The following P4HA1 variants were observed in gnomAD, a reference collection of about 807,000 sequenced individuals.
P4HA1 encodes prolyl 4-hydroxylase subunit alpha-1.
Under a neutral mutation model 72.8 loss-of-function variants are expected in P4HA1, and 24 were observed. That is an observed-to-expected ratio of 0.33 (90% CI 0.24 to 0.46). The LOEUF is 0.46. Among genes scored for constraint, P4HA1 ranks in the 20% least tolerant of loss-of-function variants. The probability of loss-of-function intolerance (pLI) is 1.00; values close to 1 mark genes in which losing one functional copy is unlikely to be tolerated. For missense variants in P4HA1, 446 were observed against 640.6 expected (o/e 0.70, Z 3.28); for synonymous variants, 201 against 218.8 (o/e 0.92, Z 0.72).
At chr10:73,010,156 C>T (rs773158624) in intron 13 of P4HA1, among the ~76,000 whole-genome samples, 21 of 151,894 alleles carry the variant, frequency 1.4e-4, no homozygotes, top group African/African-American at 4.1e-4. Flanking sequence ...TTAGTAGAGA[C>T]GGGCTTTCAC....
chr10:73,017,122 T>C (rs112639144), intron 10 of P4HA1, among the ~76,000 whole-genome samples: 1 of 150,730 alleles, frequency 6.6e-6, no homozygotes, highest in East Asian at 1.9e-4. Flanking sequence ...GATGTATATA[T>C]AGATATCTAT....
intron 1 of P4HA1, among the ~76,000 whole-genome samples, chr10:73,089,293 T>C (rs1159478226): frequency 6.6e-6 from 1 of 152,210 alleles, no homozygotes; most frequent in African/African-American, 2.4e-5. Flanking sequence ...ATATTGACCT[T>C]CTAAGCTACA....
chr10:73,094,331 T>C (rs1842115873), intron 1 of P4HA1, among the ~76,000 whole-genome samples: 3 of 152,148 alleles, frequency 2.0e-5, no homozygotes, highest in Admixed American at 1.3e-4. Flanking sequence ...TAGATACCCT[T>C]AGAGAGTAAC....
chr10:73,084,543 G>A (rs185191666), intron 1 of P4HA1, among the ~76,000 whole-genome samples: 1 of 152,104 alleles, frequency 6.6e-6, no homozygotes, highest in Non-Finnish European at 1.5e-5. Flanking sequence ...CTCCAGGCTA[G>A]TCTCAAGCAG....
intron 5 of P4HA1, among the ~76,000 whole-genome samples, chr10:73,061,457 G>A (rs769877391): frequency 6.6e-6 from 1 of 151,790 alleles, no homozygotes; most frequent in Non-Finnish European, 1.5e-5. Context: ...GGAATAAAAG[G>A]GACTTAACAG....
chr10:73,041,962 C>T (rs1840746337), intron 9 of P4HA1, among the ~76,000 whole-genome samples: 1 of 152,022 alleles, frequency 6.6e-6, no homozygotes, highest in African/African-American at 2.4e-5. Flanking sequence ...CCTCCCACCT[C>T]AGCCTCCCAA....
Position 73,028,640 on chromosome 10 carries a change from G to A in P4HA1, c.1248+1631C>T, listed in dbSNP as rs943204921. On this transcript the variant is annotated intron_variant, in intron 10 of 14. Transcript: ENST00000394890. ...AGTAGAGACGGGGTTTCTCCATGTT[G>A]GTCAGGCTGGTCTCGAACTCCTGAC... is the stretch of plus-strand genomic sequence containing the variant. 7.2e-5 allele frequency among the ~76,000 whole-genome samples: 11 copies of A among 151,798 alleles called. No individual in the cohort carries two copies. The South Asian group carries it at 2.3e-3, about 32-fold the overall frequency.
intron 9 of P4HA1, among the ~76,000 whole-genome samples, chr10:73,042,595 T>C (rs1451435244): frequency 6.6e-6 from 1 of 152,160 alleles, no homozygotes; most frequent in Non-Finnish European, 1.5e-5. Context: ...TCCACCATCA[T>C]CCACTTAAAA....
intron 12 of P4HA1, among the ~76,000 whole-genome samples, 192 bp from the exon 13 acceptor site, chr10:73,011,229 C>T (rs567705580): frequency 2.0e-5 from 3 of 152,038 alleles, no homozygotes; most frequent in African/African-American, 7.2e-5. Context: ...AGTAAAAAAA[C>T]TACAAAAAGC....
chr10:73,016,961 C>G (rs1840018966), intron 10 of P4HA1, 62 bp from the exon 11 acceptor site: 2 of 1,297,244 alleles, frequency 1.5e-6, no homozygotes. Flanking sequence ...CAAAAAAAAT[C>G]TATGAACCTC....
At chr10:73,061,164 C>T (rs999537613) in intron 5 of P4HA1, among the ~76,000 whole-genome samples, 3 of 152,254 alleles carry the variant, frequency 2.0e-5, no homozygotes, top group African/African-American at 4.8e-5. Context: ...ATCACCTGAA[C>T]CTCACTCATC....
At position 73,027,490 on chromosome 10, in the gene P4HA1, C is replaced by G. The variant is rs1184350122; in HGVS notation, c.1248+2781G>C. On this transcript the variant is annotated intron_variant, in intron 10 of 14. Transcript: ENST00000394890. ...GGAGGAATAGCATTAGGAGAAATAC[C>G]TAATGTAAATGATGAGTTGATGGGT... Among the ~76,000 whole-genome samples, 4 of 150,978 alleles carry G rather than the reference C, an allele frequency of 2.6e-5. No homozygotes were observed. In the East Asian group the frequency reaches 7.8e-4, roughly 29 times the overall value.
At chr10:73,059,827 CCTAA>C (rs1320820354) in intron 5 of P4HA1, among the ~76,000 whole-genome samples, 2 of 151,608 alleles carry the variant, frequency 1.3e-5, no homozygotes, top group Admixed American at 1.3e-4. Flanking sequence ...TGCCTGTAGG[CCTAA>C]CTATTTGGGA....
chr10:73,052,175 C>CT (rs978458706), intron 6 of P4HA1, among the ~76,000 whole-genome samples: 3 of 150,942 alleles, frequency 2.0e-5, no homozygotes, highest in Non-Finnish European at 2.9e-5. Flanking sequence ...GATGACTACG[C>CT]TACCCATCTG....
Position 73,073,966 on chromosome 10 carries a change from C to T in P4HA1, c.77-139G>A, listed in dbSNP as rs1841630175. On this transcript the variant is annotated intron_variant, in intron 2 of 14. Coordinates refer to ENST00000394890, the MANE Select transcript of P4HA1 (RefSeq NM_001017962.3). ...ATATGCTGGAGACTATCTTTTCTTC[C>T]TTTTTACCAGATAAACCAAAATAAA... The T allele has an allele frequency of 1.1e-5, 7 of 643,128 alleles. No individual in the cohort carries two copies. The East Asian group carries it at 1.7e-4, about 15-fold the overall frequency. 39.8% of individuals were successfully genotyped at this position (643,128 alleles called of 1,614,324 possible). A position where few individuals can be genotyped will look rare whatever the true frequency, so the allele number is the denominator to read the frequency against.
intron 1 of P4HA1, among the ~76,000 whole-genome samples, chr10:73,078,772 C>T (rs1841761788): frequency 6.6e-6 from 1 of 151,974 alleles, no homozygotes; most frequent in East Asian, 1.9e-4. Context: ...CCAACACGCC[C>T]AGCTAATTTT....
intron 10 of P4HA1, among the ~76,000 whole-genome samples, chr10:73,017,509 A>T (rs1033067796): frequency 6.6e-6 from 1 of 152,126 alleles, no homozygotes; most frequent in Non-Finnish European, 1.5e-5. Flanking sequence ...ACATAAGCTA[A>T]AATTTGAGAT....
chr10:73,070,363 A>C (rs1447400465), intron 4 of P4HA1, among the ~76,000 whole-genome samples: 2 of 151,410 alleles, frequency 1.3e-5, no homozygotes, highest in African/African-American at 4.9e-5. Flanking sequence ...CACCATGTTG[A>C]CTAAGCTCCT....
intron 9 of P4HA1, among the ~76,000 whole-genome samples, chr10:73,036,000 C>T (rs1445688344): frequency 1.3e-5 from 2 of 151,894 alleles, no homozygotes; most frequent in Non-Finnish European, 2.9e-5. Flanking sequence ...ACCAGCCTGA[C>T]CAACGTGGTG....
Sources: allele counts gnomAD v4.1 joint callset (sites outside exome capture counted in the v4.1 genomes callset), GRCh38; gene constraint gnomAD v4.1.1; transcripts MANE v1.5; gene names NCBI Gene and HGNC (gene_info 2026-07-23, HGNC 2026-07-21).